The following NRCAM variants were observed in gnomAD, a reference collection of about 807,000 sequenced individuals.
NRCAM encodes the protein neuronal cell adhesion molecule.
In NRCAM, 83 loss-of-function variants were observed where a neutral mutation model predicts 156.5. The ratio of observed to expected loss-of-function variants is 0.53; its 90% CI spans 0.44 to 0.64. The LOEUF (loss-of-function observed/expected upper bound fraction) is 0.64, where lower values mean the gene tolerates loss of function less well. Among genes scored for constraint, NRCAM ranks in the 30% least tolerant of loss-of-function variants. The pLI, the probability that NRCAM is intolerant of heterozygous loss-of-function variation, is 0.00. For missense variants in NRCAM, 1,417 were observed against 1,597.3 expected (o/e 0.89, Z 1.92); for synonymous variants, 538 against 563.9 (o/e 0.95, Z 0.65).
At chr7:108,193,436 C>T (rs2073295029) in intron 17 of NRCAM, among the ~76,000 whole-genome samples, 1 of 152,234 alleles carries the variant, frequency 6.6e-6, no homozygotes, top group Non-Finnish European at 1.5e-5. Flanking sequence ...CACATATCTA[C>T]TCTGTACTAC....
In NRCAM at chr7:108,209,489, C is replaced by T; in HGVS notation, c.1007G>A (p.Gly336Glu). 2 of 1,611,826 alleles carry T rather than the reference C, an allele frequency of 1.2e-6. No homozygotes were observed. The highest frequency in any genetic ancestry group is 1.7e-6 in the Non-Finnish European group (2 of 1,178,960). The change falls in exon 12 of 33, where the codon GGA becomes GAA. Residue 336 changes from glycine (G) to glutamate (E), a missense_variant. Gly to Glu is a moderately conservative substitution (Grantham distance 98). This residue lies in a region of NRCAM where 1,238 missense variants were observed against 1,336.4 expected (regional missense o/e 0.93). Transcript: ENST00000379028. The part of the protein sequence containing the change: ...QIIHVSEADS[G>E]NYQCIAKNAL... ...GTTTTTTGCTATACATTGGTAATTTCCAGAGTCTGCTTCTGAAACATGAAT... is the reference window on the plus strand; with the variant it reads ...GTTTTTTGCTATACATTGGTAATTTTCAGAGTCTGCTTCTGAAACATGAAT...
intron 2 of NRCAM, among the ~76,000 whole-genome samples, chr7:108,314,818 A>G (rs2098873713): frequency 6.6e-6 from 1 of 152,200 alleles, no homozygotes; most frequent in South Asian, 2.1e-4. Context: ...TACAAGCAGT[A>G]TTAGGTAAAA....
rs1277462016 is a variant in NRCAM, at chr7:108,190,303, C to T, written c.1934-557G>A. On this transcript the variant is annotated intron_variant, in intron 19 of 32. Transcript: ENST00000379028. ...CATAAGTGTGTTTACTCCCAGAGGA[C>T]AACAGTGTATAGACAGACACATGTC... Among the ~76,000 whole-genome samples, 8 of 152,240 alleles carry T rather than the reference C, an allele frequency of 5.3e-5. 1 individual carries two copies. The highest frequency in any genetic ancestry group is 5.2e-4 in the Admixed American group (8 of 15,294).
Position 108,195,628 on chromosome 7 carries a change from A to AT in NRCAM, c.1463+132_1463+133insA, listed in dbSNP as rs72570594. On this transcript the variant is annotated intron_variant, in intron 15 of 32. Transcript: ENST00000379028. The stretch of plus-strand genomic sequence containing the variant: ...GAGACTCTGTCTCACAAGAAAAAAA[A>AT]ATATATTAACAGTGTAATGGATTGT... The AT allele has an allele frequency of 3.3e-5, 20 of 608,396 alleles. 1 individual carries two copies. The highest frequency in any genetic ancestry group is 5.9e-5 in the Admixed American group (2 of 34,058). The allele number at this position is 608,396 out of a possible 1,614,324, so 37.7% of individuals were successfully genotyped here.
At chr7:108,192,169 G>A (rs1026845729) in intron 17 of NRCAM, among the ~76,000 whole-genome samples, 2 of 152,090 alleles carry the variant, frequency 1.3e-5, no homozygotes, top group Non-Finnish European at 2.9e-5. Flanking sequence ...AGAGGGGACC[G>A]CTGCTCTAGA....
chr7:108,434,213 A>T (rs1308371057), intron 1 of NRCAM, among the ~76,000 whole-genome samples: 1 of 152,018 alleles, frequency 6.6e-6, no homozygotes, highest in Non-Finnish European at 1.5e-5. Flanking sequence ...TAGGTAATTC[A>T]CTCAACCAGG....
Position 108,151,411 on chromosome 7 carries a change from A to AGTGG in NRCAM, c.3678-1265_3678-1264insCCAC, listed in dbSNP as rs1355203508. On this transcript the variant is annotated intron_variant, in intron 32 of 32. Transcript: ENST00000379028. ...AAGACTTTACTGCTCCCTCTGTTTCAGACAGTGACTTTTTTTTTCAAGCCA... is the reference window on the plus strand; with the variant it reads ...AAGACTTTACTGCTCCCTCTGTTTCAGTGGGACAGTGACTTTTTTTTTCAAGCCA... Among the ~76,000 whole-genome samples the AGTGG allele has an allele frequency of 1.6e-4, 24 of 152,274 alleles. No individual in the cohort carries two copies. In the South Asian group the frequency reaches 5.0e-3, roughly 32 times the overall value.
intron 3 of NRCAM, among the ~76,000 whole-genome samples, chr7:108,285,804 A>G (rs2098076945): frequency 6.6e-6 from 1 of 152,218 alleles, no homozygotes; most frequent in African/African-American, 2.4e-5. Flanking sequence ...CAGAAACTCC[A>G]CCATCTATCT....
rs1040148761 is a variant in NRCAM, at chr7:108,231,046, A to G, written c.535T>C (p.Phe179Leu). The change falls in exon 8 of 33, where the codon TTT becomes CTT. Residue 179 changes from phenylalanine to leucine, a missense_variant. Phe to Leu is a conservative substitution (Grantham distance 22). Transcript: ENST00000379028. ...PPIGLPPPIIFWMDNSFQRLP... is the reference protein window; with the variant it reads ...PPIGLPPPIILWMDNSFQRLP... ...CAAAACTTACAATTATCCATCCAAAATATTATAGGTGGTGGTAATCCAATT... is the reference window on the plus strand; with the variant it reads ...CAAAACTTACAATTATCCATCCAAAGTATTATAGGTGGTGGTAATCCAATT... 7 of 1,605,632 alleles carry G rather than the reference A, an allele frequency of 4.4e-6. No individual in the cohort carries two copies. Among genetic ancestry groups the G allele is most frequent in the Non-Finnish European group, 6.0e-6 (7 of 1,173,952 alleles).
intron 3 of NRCAM, among the ~76,000 whole-genome samples, chr7:108,269,516 C>T (rs2097259122): frequency 6.6e-6 from 1 of 152,102 alleles, no homozygotes; most frequent in African/African-American, 2.4e-5. Context: ...GGAAGGGTCT[C>T]ACTGGGAGGG....
In NRCAM at chr7:108,152,737, G is replaced by A. The variant is rs561370532; in HGVS notation, c.3678-2590C>T. On this transcript the variant is annotated intron_variant, in intron 32 of 32. Coordinates refer to ENST00000379028, the MANE Select transcript of NRCAM (RefSeq NM_001037132.4). ...ATTGCAGAGTTGCAGCAGAGACCGCGCGGCCTGTAAAGTCTAAAATATTTA... is the reference window on the plus strand; with the variant it reads ...ATTGCAGAGTTGCAGCAGAGACCGCACGGCCTGTAAAGTCTAAAATATTTA... 1.8e-4 allele frequency among the ~76,000 whole-genome samples: 27 copies of A among 152,210 alleles called. No homozygotes were observed. In the South Asian group the frequency reaches 2.7e-3, roughly 15 times the overall value.
intron 3 of NRCAM, among the ~76,000 whole-genome samples, chr7:108,287,785 CA>C (rs1248773407): frequency 6.6e-6 from 1 of 151,680 alleles, no homozygotes; most frequent in Non-Finnish European, 1.5e-5. Context: ...TAAATTAGTA[CA>C]GCTTCTGTGG....
intron 3 of NRCAM, among the ~76,000 whole-genome samples, chr7:108,300,196 G>C (rs1411808905): frequency 3.0e-5 from 2 of 67,128 alleles, no homozygotes; most frequent in Non-Finnish European, 5.5e-5. Context: ...TTTTACAAAA[G>C]AGCAAGAGAA....
At chr7:108,405,812 T>A (rs929646246) in intron 1 of NRCAM, among the ~76,000 whole-genome samples, 8 of 152,170 alleles carry the variant, frequency 5.3e-5, no homozygotes, top group Non-Finnish European at 1.2e-4. Flanking sequence ...AACCTTTTCA[T>A]ATTTTTGAAT....
rs530965146 is a variant in NRCAM, at chr7:108,232,545, A to T, written c.231-23T>A. 85 of 1,570,778 alleles carry T rather than the reference A, an allele frequency of 5.4e-5. No homozygotes were observed. The South Asian group carries it at 6.7e-4, about 12-fold the overall frequency. ...AAGCTGCCCAACACACGAAGTGTTA[A>T]GTGTATTAATGGTCCAGAAAAATGG... On this transcript the variant is annotated intron_variant, in intron 6 of 32. Coordinates refer to ENST00000379028, the MANE Select transcript of NRCAM (RefSeq NM_001037132.4).
intron 3 of NRCAM, among the ~76,000 whole-genome samples, chr7:108,257,493 T>C (rs1163055555): frequency 6.6e-6 from 1 of 152,202 alleles, no homozygotes; most frequent in Non-Finnish European, 1.5e-5. Context: ...AAATTCAATA[T>C]ACCTGTTTCT....
chr7:108,374,675 G>C (rs893444635), intron 2 of NRCAM, among the ~76,000 whole-genome samples: 10 of 152,120 alleles, frequency 6.6e-5, no homozygotes, highest in African/African-American at 2.4e-4. Flanking sequence ...AAATACTGTG[G>C]TTTCACAGAT....
chr7:108,187,045 G>C (rs971995273), intron 20 of NRCAM, among the ~76,000 whole-genome samples: 1 of 76,556 alleles, frequency 1.3e-5, no homozygotes, highest in Admixed American at 1.7e-4. Flanking sequence ...ATTATTCCAA[G>C]GAAGGTACCC....
At chr7:108,191,469 A>G (rs576184669) in intron 18 of NRCAM, among the ~76,000 whole-genome samples, 186 bp from the exon 19 acceptor site, 1 of 152,326 alleles carries the variant, frequency 6.6e-6, no homozygotes, top group African/African-American at 2.4e-5. Context: ...AATTTTAGAT[A>G]CAAGTAGATC....
Sources: allele counts gnomAD v4.1 joint callset (sites outside exome capture counted in the v4.1 genomes callset), GRCh38; gene constraint gnomAD v4.1.1; regional missense constraint gnomAD v4.1.1; transcripts MANE v1.5; gene names NCBI Gene and HGNC (gene_info 2026-07-23, HGNC 2026-07-21).